TMLHE: variants seen among roughly 807,000 people sequenced by gnomAD.
TMLHE encodes the protein trimethyllysine hydroxylase, epsilon, also known as trimethyllysine dioxygenase, mitochondrial.
Under a neutral mutation model 25.7 loss-of-function variants are expected in TMLHE, and 18 were observed. That is an observed-to-expected ratio of 0.70 (90% CI 0.48 to 1.04). The LOEUF (loss-of-function observed/expected upper bound fraction) is 1.04. Among genes scored for constraint, TMLHE ranks in the 50% least tolerant of loss-of-function variants. The pLI is 0.00. For missense variants in TMLHE, 236 were observed against 259.0 expected, an observed-to-expected ratio of 0.91 and a Z score of 0.61; for synonymous variants, 105 against 97.0, an observed-to-expected ratio of 1.08 and a Z score of -0.49.
chrX:155,556,418 C>A (rs1190611046), intron 1 of TMLHE, among the ~76,000 whole-genome samples: 2 of 110,385 alleles, frequency 1.8e-5, no homozygotes, highest in Non-Finnish European at 3.8e-5. Flanking sequence ...GGACAGAGTA[C>A]GAAAGAGAGA....
chrX:155,548,600 T>A (rs1224831560), intron 1 of TMLHE, among the ~76,000 whole-genome samples: 1 of 108,576 alleles, frequency 9.2e-6, no homozygotes, highest in Non-Finnish European at 1.9e-5. Context: ...CCGGGTGTGG[T>A]GGCACACACC....
chrX:155,516,264 G>A (rs1236832210), intron 3 of TMLHE, among the ~76,000 whole-genome samples: 1 of 19,496 alleles, frequency 5.1e-5, no homozygotes, highest in Non-Finnish European at 9.6e-5. Context: ...GAGAATATGC[G>A]GTGTTTGGTT....
At chrX:155,526,568 T>C (rs2067220749) in intron 2 of TMLHE, among the ~76,000 whole-genome samples, 1 of 112,240 alleles carries the variant, frequency 8.9e-6, no homozygotes, top group Non-Finnish European at 1.9e-5. Flanking sequence ...GGGCACTGCC[T>C]AGTGGAACTA....
intron 1 of TMLHE, among the ~76,000 whole-genome samples, chrX:155,573,798 A>G (rs1270216491): frequency 2.1e-5 from 1 of 46,995 alleles, no homozygotes; most frequent in Admixed American, 3.0e-4. Flanking sequence ...ACACATGGAC[A>G]CAGGAAGGGG....
At chrX:155,556,821 C>T (rs782467251) in intron 1 of TMLHE, among the ~76,000 whole-genome samples, 8 of 111,085 alleles carry the variant, frequency 7.2e-5, no homozygotes, top group Admixed American at 1.9e-4. Context: ...TCTGCAATCT[C>T]GACCATAAGA....
chrX:155,577,775 C>A (rs1028281775), intron 1 of TMLHE, among the ~76,000 whole-genome samples: 1 of 111,129 alleles, frequency 9.0e-6, no homozygotes, highest in Non-Finnish European at 1.9e-5. Context: ...ACATCCAGCC[C>A]TGGTGCCACT....
intron 1 of TMLHE, among the ~76,000 whole-genome samples, chrX:155,607,530 C>CTCAACACTCCTAT (rs2067793725): frequency 9.1e-6 from 1 of 110,320 alleles, no homozygotes; most frequent in Non-Finnish European, 1.9e-5. Flanking sequence ...GATGCCCACT[C>CTCAACACTCCTAT]TCAACATACT....
At chrX:155,522,027 C>T (rs937849306) in intron 3 of TMLHE, among the ~76,000 whole-genome samples, 42 of 111,170 alleles carry the variant, frequency 3.8e-4, no homozygotes, top group Non-Finnish European at 7.0e-4. Flanking sequence ...TGTTCCTATT[C>T]GGCCATCTTG....
intron 1 of TMLHE, among the ~76,000 whole-genome samples, chrX:155,598,867 G>T (rs2067739483): frequency 1.8e-5 from 2 of 110,561 alleles, no homozygotes; most frequent in Non-Finnish European, 3.8e-5. Flanking sequence ...CATTTTTAGA[G>T]AAATGATAAA....
intron 4 of TMLHE, among the ~76,000 whole-genome samples, chrX:155,513,643 A>G (rs1422225085): frequency 9.2e-6 from 1 of 109,195 alleles, no homozygotes; most frequent in African/African-American, 3.3e-5. Context: ...GGACATGCCT[A>G]TGGTCACACA....
intron 1 of TMLHE, among the ~76,000 whole-genome samples, chrX:155,557,103 G>A (rs1281350879): frequency 9.0e-6 from 1 of 111,714 alleles, no homozygotes; most frequent in African/African-American, 3.3e-5. Flanking sequence ...TACAATTTGT[G>A]TAGTTAACGC....
chrX:155,564,121 G>T lies in TMLHE; in HGVS notation c.-1-18844C>A, dbSNP rs1471768676. ...TGTGTTGTAGAGAGAGGGGTGAACTGAAGTGTCCAAAAATCATAGCCACTA... is the reference window on the plus strand; with the variant it reads ...TGTGTTGTAGAGAGAGGGGTGAACTTAAGTGTCCAAAAATCATAGCCACTA... On this transcript the variant is annotated intron_variant, in intron 1 of 7. Transcript: ENST00000334398. Among the ~76,000 whole-genome samples the T allele has an allele frequency of 1.1e-4, 7 of 61,743 alleles. 1 individual carries two copies. In the Admixed American group the frequency reaches 1.3e-3, roughly 12 times the overall value. The allele number at this position is 61,743 out of a possible 115,157, so 53.6% of individuals were successfully genotyped here.
intron 2 of TMLHE, among the ~76,000 whole-genome samples, chrX:155,533,156 G>A (rs1429893183): frequency 9.0e-6 from 1 of 111,319 alleles, no homozygotes; most frequent in Non-Finnish European, 1.9e-5. Context: ...CCTGTTCTTG[G>A]ACTGAAACTT....
chrX:155,584,316 AT>A (rs1422917854), intron 1 of TMLHE, among the ~76,000 whole-genome samples: 3 of 110,799 alleles, frequency 2.7e-5, no homozygotes, highest in African/African-American at 6.5e-5. Context: ...AGAAAAAAAA[AT>A]AAATAAAAAA....
At chrX:155,577,453 C>G (rs1162183605) in intron 1 of TMLHE, among the ~76,000 whole-genome samples, 3 of 109,800 alleles carry the variant, frequency 2.7e-5, no homozygotes, top group African/African-American at 1.0e-4. Flanking sequence ...GTGGTGTGCA[C>G]TTGTAGTCCC....
chrX:155,512,248 T>C (rs1022906031), intron 4 of TMLHE, among the ~76,000 whole-genome samples: 4 of 109,151 alleles, frequency 3.7e-5, no homozygotes, highest in Non-Finnish European at 5.7e-5. Context: ...ACATGTGCCA[T>C]GCTGGTGCGC....
intron 1 of TMLHE, among the ~76,000 whole-genome samples, chrX:155,582,254 A>C (rs1233974107): frequency 1.8e-5 from 2 of 112,358 alleles, no homozygotes; most frequent in African/African-American, 6.5e-5. Context: ...CATTCAGGAC[A>C]TAGGCATGGG....
chrX:155,580,124 T>C (rs782586844), intron 1 of TMLHE, among the ~76,000 whole-genome samples: 1 of 111,242 alleles, frequency 9.0e-6, no homozygotes, highest in East Asian at 2.8e-4. Context: ...ACAAGGAACA[T>C]GAACAACTCA....
intron 1 of TMLHE, among the ~76,000 whole-genome samples, chrX:155,609,717 A>C (rs2067808139): frequency 8.9e-6 from 1 of 112,214 alleles, no homozygotes; most frequent in South Asian, 3.7e-4. Context: ...AAATGGGCAA[A>C]ATATGTGAGG....
Sources: allele counts gnomAD v4.1 joint callset (sites outside exome capture counted in the v4.1 genomes callset), GRCh38; gene constraint gnomAD v4.1.1; transcripts MANE v1.5; gene names NCBI Gene and HGNC (gene_info 2026-07-23, HGNC 2026-07-21).